ARFGEF2: variants seen among roughly 807,000 people sequenced by gnomAD.
ARFGEF2 encodes ARF guanine nucleotide exchange factor 2.
ARFGEF2 carries 74 observed loss-of-function variants against 219.9 expected under a neutral mutation model. The ratio of observed to expected loss-of-function variants is 0.34; its 90% CI spans 0.28 to 0.41. ARFGEF2 has a LOEUF of 0.41. Ranked by LOEUF, ARFGEF2 falls within the 10% of genes least tolerant of loss-of-function variation. The pLI, the probability that ARFGEF2 is intolerant of heterozygous loss-of-function variation, is 1.00. For missense variants in ARFGEF2, 1,743 were observed against 2,218.3 expected (o/e 0.79, Z 4.30); for synonymous variants, 733 against 799.2 (o/e 0.92, Z 1.40).
rs936738773 is a variant in ARFGEF2 at position 49,030,987 on chromosome 20, C to T, written c.5064-1062C>T. Reference sequence around the variant, plus strand: ...AGCCTGGGCAACAAGAGCAAGACTCCGTCTCAAAATAAAAAAAAGAGATAT... The same window carrying T: ...AGCCTGGGCAACAAGAGCAAGACTCTGTCTCAAAATAAAAAAAAGAGATAT... On this transcript the variant is annotated intron_variant, in intron 37 of 38. Transcript: ENST00000371917. 4.0e-5 allele frequency among the ~76,000 whole-genome samples: 6 copies of T among 151,732 alleles called. No homozygotes were observed. The East Asian group carries it at 5.8e-4, about 15-fold the overall frequency.
intron 3 of ARFGEF2, among the ~76,000 whole-genome samples, chr20:48,943,958 G>C (rs183956964): frequency 2.6e-5 from 4 of 152,298 alleles, no homozygotes; most frequent in Non-Finnish European, 5.9e-5. Flanking sequence ...ATCTACCAAG[G>C]CACAGGACTG....
At chr20:49,022,411 A>AACAAC (rs2091570765) in intron 34 of ARFGEF2, among the ~76,000 whole-genome samples, 1 of 140,044 alleles carries the variant, frequency 7.1e-6, no homozygotes, top group African/African-American at 2.6e-5. Context: ...TCTATTTAAA[A>AACAAC]AACAACAACA....
At chr20:48,967,854 ATTTC>A (rs1475480568) in intron 8 of ARFGEF2, among the ~76,000 whole-genome samples, 1 of 152,002 alleles carries the variant, frequency 6.6e-6, no homozygotes, top group African/African-American at 2.4e-5. Context: ...GGTCATTTAG[ATTTC>A]TTTATCATTT....
At chr20:48,928,237 C>T (rs1199232691) in intron 1 of ARFGEF2, among the ~76,000 whole-genome samples, 5 of 126,732 alleles carry the variant, frequency 3.9e-5, no homozygotes, top group South Asian at 2.5e-4. Context: ...CTCGCTCTGT[C>T]GCCCAGGCTG....
At chr20:48,942,831 T>C (rs557870907) in intron 3 of ARFGEF2, among the ~76,000 whole-genome samples, 1 of 152,188 alleles carries the variant, frequency 6.6e-6, no homozygotes, top group Non-Finnish European at 1.5e-5. Context: ...AAACATTGAA[T>C]CTTTGTTCCT....
intron 3 of ARFGEF2, among the ~76,000 whole-genome samples, chr20:48,950,810 AAATATATAT>A (rs1440906241): frequency 2.2e-4 from 9 of 41,108 alleles, no homozygotes; most frequent in South Asian, 1.5e-3. Context: ...AAAAAAAAAA[AAATATATAT>A]ATATATATAT....
rs566834314 is a variant in ARFGEF2 at position 48,923,810 on chromosome 20, T to A, written c.121+1800T>A. 1.4e-4 allele frequency among the ~76,000 whole-genome samples: 22 copies of A among 152,382 alleles called. No individual in the cohort carries two copies. The East Asian group carries it at 4.2e-3, about 29-fold the overall frequency. On this transcript the variant is annotated intron_variant, in intron 1 of 38. Transcript: ENST00000371917. ...GCATCATATTATTGGAACCTACTTA[T>A]AAAATTTTCATCTGGGTCATGAAGG...
chr20:48,923,130 A>G (rs1003357834), intron 1 of ARFGEF2, among the ~76,000 whole-genome samples: 1 of 152,204 alleles, frequency 6.6e-6, no homozygotes, highest in Non-Finnish European at 1.5e-5. Context: ...ACTATCCACC[A>G]TATGGAGTTT....
chr20:48,947,550 A>T (rs539485067), intron 3 of ARFGEF2, among the ~76,000 whole-genome samples: 1 of 151,938 alleles, frequency 6.6e-6, no homozygotes, highest in Admixed American at 6.6e-5. Context: ...CTTTATTTAC[A>T]CATGTTCCTG....
Position 49,033,621 on chromosome 20 carries a change from TG to T in ARFGEF2, c.*423del, listed in dbSNP as rs531842844. 9 of 175,778 alleles carry T rather than the reference TG, an allele frequency of 5.1e-5. No homozygotes were observed. In the South Asian group the frequency reaches 1.2e-3, roughly 23 times the overall value. 10.9% of individuals were successfully genotyped at this position (175,778 alleles called of 1,614,324 possible). The stretch of plus-strand genomic sequence containing the variant: ...AATAAAACTTCTTGTAACGGCTAAC[TG>T]CCACCTAAAATATGCTGGGTTTTCT... On this transcript the variant is annotated 3_prime_UTR_variant, in exon 39 of 39. Transcript: ENST00000371917.
At chr20:49,011,181 C>T (rs2091495471) in intron 27 of ARFGEF2, among the ~76,000 whole-genome samples, 2 of 152,118 alleles carry the variant, frequency 1.3e-5, no homozygotes, top group Non-Finnish European at 2.9e-5. Context: ...AATGAATCAA[C>T]AATATGTATT....
At chr20:49,016,492 C>A in intron 31 of ARFGEF2, 77 bp downstream of exon 31, 1 of 1,489,904 alleles carries the variant, frequency 6.7e-7, no homozygotes, top group Non-Finnish European at 9.2e-7. Flanking sequence ...TATTTAAAAG[C>A]ATGGATGTAG....
Position 48,942,061 on chromosome 20 carries a change from T to G in ARFGEF2, c.276+74T>G. On this transcript the variant is annotated intron_variant, in intron 3 of 38. Transcript: ENST00000371917. ...AGTTGGTCCTTACACAGAACTATGCTGGGGACCACGCTGGCACTCAGTGCT... is the reference window on the plus strand; with the variant it reads ...AGTTGGTCCTTACACAGAACTATGCGGGGGACCACGCTGGCACTCAGTGCT... The G allele has an allele frequency of 3.8e-6, 6 of 1,591,986 alleles. No homozygotes were observed. In the South Asian group the frequency reaches 6.7e-5, roughly 18 times the overall value.
intron 25 of ARFGEF2, 56 bp downstream of exon 25, chr20:48,998,561 T>C (rs2091405605): frequency 6.5e-7 from 1 of 1,533,002 alleles, no homozygotes; most frequent in Non-Finnish European, 8.9e-7. Context: ...AGTAGACAAC[T>C]GAATTCAAAA....
intron 21 of ARFGEF2, among the ~76,000 whole-genome samples, chr20:48,992,467 C>T (rs1368254049): frequency 6.6e-6 from 1 of 152,130 alleles, no homozygotes; most frequent in Non-Finnish European, 1.5e-5. Flanking sequence ...GGCTCAGATT[C>T]AGAGTAAAGG....
intron 1 of ARFGEF2, among the ~76,000 whole-genome samples, chr20:48,924,671 C>T (rs1251469236): frequency 1.3e-5 from 2 of 152,020 alleles, no homozygotes; most frequent in Non-Finnish European, 2.9e-5. Context: ...AGAGCATTTA[C>T]AGGAAACAGC....
chr20:48,930,969 G>A (rs548642202), intron 1 of ARFGEF2, among the ~76,000 whole-genome samples: 1 of 152,310 alleles, frequency 6.6e-6, no homozygotes, highest in South Asian at 2.1e-4. Context: ...GCCCGAAGTC[G>A]AGAAAATTTG....
intron 6 of ARFGEF2, among the ~76,000 whole-genome samples, chr20:48,959,064 GGCA>G (rs769708296): frequency 9.9e-5 from 15 of 152,110 alleles, no homozygotes; most frequent in Non-Finnish European, 1.8e-4. Context: ...TTTAAATGTT[GGCA>G]GCTAATTCAG....
chr20:48,924,972 C>A (rs1309222851), intron 1 of ARFGEF2, among the ~76,000 whole-genome samples: 1 of 152,162 alleles, frequency 6.6e-6, no homozygotes, highest in Non-Finnish European at 1.5e-5. Context: ...CTGTGACAAA[C>A]CACAGCAGCT....
Sources: gnomAD v4.1 joint callset for allele counts (sites outside exome capture counted in the v4.1 genomes callset) on GRCh38, gnomAD v4.1.1 for gene constraint, MANE v1.5 for transcripts, NCBI Gene and HGNC (gene_info 2026-07-23, HGNC 2026-07-21) for gene names.